The following CYP4X1 variants were observed in gnomAD, a reference collection of about 807,000 sequenced individuals.
CYP4X1 encodes the protein cytochrome P450 family 4 subfamily X member 1.
CYP4X1 carries 44 observed loss-of-function variants against 57.9 expected under a neutral mutation model. The ratio of observed to expected loss-of-function variants is 0.76; its 90% CI spans 0.60 to 0.98. CYP4X1 has a LOEUF of 0.98. Ranked by LOEUF, CYP4X1 falls within the 50% of genes least tolerant of loss-of-function variation. The pLI is 0.00. For missense variants in CYP4X1, 532 were observed against 623.9 expected (o/e 0.85, Z 1.57); for synonymous variants, 227 against 228.6 (o/e 0.99, Z 0.06).
At chr1:47,054,111 G>A (rs1167972210), downstream of CYP4X1, among the ~76,000 whole-genome samples, 2 of 151,444 alleles carry the variant, frequency 1.3e-5, no homozygotes, top group African/African-American at 4.9e-5. Context: ...TGTAAGGAAG[G>A]GATCCAGTTT....
upstream of CYP4X1, among the ~76,000 whole-genome samples, chr1:47,022,180 T>G (rs1273074955): frequency 6.6e-6 from 1 of 151,208 alleles, no homozygotes; most frequent in Admixed American, 6.6e-5. Flanking sequence ...TAGGGAAGTC[T>G]GGGAAAGAAG....
At chr1:47,032,840 T>G (rs564499330) in intron 3 of CYP4X1, among the ~76,000 whole-genome samples, 8 of 152,294 alleles carry the variant, frequency 5.3e-5, no homozygotes, top group Admixed American at 3.9e-4. Context: ...ATGTATTCAC[T>G]TTCAGTTAAC....
the CYP4X1 span, among the ~76,000 whole-genome samples, chr1:46,981,537 G>C: frequency 5.9e-5 from 9 of 152,176 alleles, no homozygotes; most frequent in South Asian, 2.1e-4. Flanking sequence ...GTTGGTGGGA[G>C]TGTAAACTAG....
rs564579574 is a variant in CYP4X1, at chr1:47,034,847, A to AT, written c.493-954dup. 9.9e-5 allele frequency among the ~76,000 whole-genome samples: 15 copies of AT among 151,180 alleles called. No homozygotes were observed. The South Asian group carries it at 2.3e-3, about 23-fold the overall frequency. On this transcript the variant is annotated intron_variant, in intron 4 of 11. Coordinates refer to ENST00000371901, the MANE Select transcript of CYP4X1 (RefSeq NM_178033.2). ...TTTCTCAGCCACATATTTCTCCGGG[A>AT]TTTTTCTCACACTTCCTTCCTCTGC...
At chr1:46,977,897 A>G in the CYP4X1 span, among the ~76,000 whole-genome samples, 1 of 152,120 alleles carries the variant, frequency 6.6e-6, no homozygotes, top group African/African-American at 2.4e-5. Context: ...AGAAGGAGAA[A>G]TAAAATACTT....
At chr1:47,000,267 A>G in the CYP4X1 span, among the ~76,000 whole-genome samples, 3 of 152,192 alleles carry the variant, frequency 2.0e-5, no homozygotes, top group East Asian at 5.8e-4. Flanking sequence ...CCATGATTTT[A>G]TGTTTCCTGA....
chr1:47,034,659 A>G (rs1644160607), intron 4 of CYP4X1, among the ~76,000 whole-genome samples: 2 of 152,172 alleles, frequency 1.3e-5, no homozygotes, highest in African/African-American at 4.8e-5. Context: ...TTCTCAAGGC[A>G]GAGACCCAGA....
the CYP4X1 span, among the ~76,000 whole-genome samples, chr1:46,985,141 C>T: frequency 1.3e-5 from 2 of 152,116 alleles, no homozygotes; most frequent in Non-Finnish European, 2.9e-5. Context: ...GCCACTGTAG[C>T]CAGACTGCCT....
At chr1:47,022,814 A>G (rs1413643739), upstream of CYP4X1, among the ~76,000 whole-genome samples, 1 of 152,232 alleles carries the variant, frequency 6.6e-6, no homozygotes, top group Non-Finnish European at 1.5e-5. Context: ...GAATGAATAA[A>G]TAAATGAATG....
chr1:47,006,874 G>T, the CYP4X1 span, among the ~76,000 whole-genome samples: 7 of 152,212 alleles, frequency 4.6e-5, no homozygotes, highest in African/African-American at 1.7e-4. Flanking sequence ...CGGCAGCGAG[G>T]CTGGGGGAGG....
chr1:46,999,721 T>C, the CYP4X1 span, among the ~76,000 whole-genome samples: 79 of 151,558 alleles, frequency 5.2e-4, no homozygotes, highest in Middle Eastern at 3.4e-3. Flanking sequence ...ATGAATACAT[T>C]CTGCAATTTG....
chr1:46,998,422 A>G, the CYP4X1 span, among the ~76,000 whole-genome samples: 1 of 152,074 alleles, frequency 6.6e-6, no homozygotes, highest in African/African-American at 2.4e-5. Context: ...ATTTGTAAAT[A>G]GAGTTATTAG....
intron 7 of CYP4X1, 52 bp downstream of exon 7, chr1:47,038,818 G>C (rs1644213908): frequency 9.5e-6 from 14 of 1,474,784 alleles, no homozygotes; most frequent in Non-Finnish European, 1.3e-5. Context: ...AATTATGTAA[G>C]TAGGTGGGTA....
At chr1:46,961,615 T>C in the CYP4X1 span, 1 of 1,287,204 alleles carries the variant, frequency 7.8e-7, no homozygotes, top group Non-Finnish European at 1.0e-6. Context: ...ACCTGTGTCC[T>C]ATGCCTGGGC....
the CYP4X1 span, among the ~76,000 whole-genome samples, chr1:47,010,788 C>G: frequency 6.6e-6 from 1 of 152,112 alleles, no homozygotes; most frequent in African/African-American, 2.4e-5. Flanking sequence ...GCCAAATCAT[C>G]AGTGATCTCC....
chr1:47,017,673 A>C, the CYP4X1 span, among the ~76,000 whole-genome samples: 126 of 152,316 alleles, frequency 8.3e-4, 1 homozygote, highest in African/African-American at 3.0e-3. Flanking sequence ...AGATAAATGC[A>C]TATCTAATTG....
At chr1:47,053,079 C>G (rs1434219754), downstream of CYP4X1, among the ~76,000 whole-genome samples, 16 of 152,112 alleles carry the variant, frequency 1.1e-4, no homozygotes, top group Admixed American at 1.0e-3. Context: ...TCCCCCACCC[C>G]ACAACAGTCC....
At chr1:46,985,925 A>C in the CYP4X1 span, among the ~76,000 whole-genome samples, 1 of 152,232 alleles carries the variant, frequency 6.6e-6, no homozygotes, top group Non-Finnish European at 1.5e-5. Context: ...AACCAGCACA[A>C]AAAGGCTGGA....
At chr1:47,053,326 A>G (rs895968989), downstream of CYP4X1, among the ~76,000 whole-genome samples, 3 of 152,202 alleles carry the variant, frequency 2.0e-5, no homozygotes, top group African/African-American at 7.2e-5. Flanking sequence ...ATTGTTGGAC[A>G]TTTGGATTGG....
Sources: gnomAD v4.1 joint callset for allele counts (sites outside exome capture counted in the v4.1 genomes callset) on GRCh38, gnomAD v4.1.1 for gene constraint, MANE v1.5 for transcripts, NCBI Gene and HGNC (gene_info 2026-07-23, HGNC 2026-07-21) for gene names.